The following FRMD8 variants were observed in gnomAD, a reference collection of about 807,000 sequenced individuals.
FRMD8 encodes FERM domain-containing protein 8.
FRMD8 carries 37 observed loss-of-function variants against 54.2 expected under a neutral mutation model. The observed-to-expected ratio is 0.68, with a 90% confidence interval of 0.53 to 0.90. The LOEUF (loss-of-function observed/expected upper bound fraction) is 0.90, where lower values mean the gene tolerates loss of function less well. Among genes scored for constraint, FRMD8 ranks in the 40% least tolerant of loss-of-function variants. FRMD8 has a pLI of 0.00. For missense variants in FRMD8, 585 were observed against 653.7 expected (o/e 0.89, Z 1.15); for synonymous variants, 246 against 286.9 (o/e 0.86, Z 1.44).
chr11:65,404,053 G>A lies in FRMD8; in HGVS notation c.1072-811G>A, dbSNP rs976039026. ...TGCTCTTCCTTCTGGGCCGAGCAGC[G>A]GTGCCCACCTGCCCAGCCCAGAGGG... On this transcript the variant is annotated intron_variant, in intron 9 of 10. Coordinates refer to ENST00000317568, the MANE Select transcript of FRMD8 (RefSeq NM_031904.5). The surrounding 1 kb of genome is among the most constrained non-coding windows in gnomAD (Gnocchi z 4.7). 2.0e-5 allele frequency among the ~76,000 whole-genome samples: 3 copies of A among 152,132 alleles called. No individual in the cohort carries two copies. The highest frequency in any genetic ancestry group is 2.4e-5 in the African/African-American group (1 of 41,426).
At chr11:65,368,170 G>A in the FRMD8 span, 1 of 149,440 alleles carries the variant, frequency 6.7e-6, no homozygotes, top group East Asian at 2.0e-4. Context: ...CCAGTTCCCA[G>A]GTTCAAGCGA....
chr11:65,409,775 AAAAG>A (rs1315814115), intron 10 of FRMD8, among the ~76,000 whole-genome samples: 1 of 152,080 alleles, frequency 6.6e-6, no homozygotes, highest in Non-Finnish European at 1.5e-5. Context: ...CAAAAAAAAA[AAAAG>A]AAAAAGAAAA....
Position 65,404,440 on chromosome 11 carries a change from G to A in FRMD8, c.1072-424G>A, listed in dbSNP as rs1001924929. On this transcript the variant is annotated intron_variant, in intron 9 of 10. Transcript: ENST00000317568. This position sits in a 1 kb window ranked among gnomAD's most constrained non-coding sequence, Gnocchi z 4.7. ...AGAACGTGCTGGCAGGGAGCCGCCC[G>A]CCCCTGCCCTGGTGACATCGCGCCC... Among the ~76,000 whole-genome samples the A allele has an allele frequency of 1.3e-5, 2 of 151,878 alleles. No homozygotes were observed. The highest frequency in any genetic ancestry group is 4.8e-5 in the African/African-American group (2 of 41,322).
chr11:65,395,135 C>T lies in FRMD8; in HGVS notation c.581+710C>T, dbSNP rs184867658. Among the ~76,000 whole-genome samples the T allele has an allele frequency of 2.5e-3, 373 of 151,938 alleles. 4 individuals are homozygous for T. The highest frequency in any genetic ancestry group is 8.6e-3 in the African/African-American group (356 of 41,438). On this transcript the variant is annotated intron_variant, in intron 6 of 10. Transcript: ENST00000317568. ...GGTGGCACACACCTGTAATCCCAGC[C>T]GTTTGGGAGGCTGAGGCAGGAGAAT...
rs755429880 is a variant in FRMD8 at position 65,411,406 on chromosome 11, G to C, written c.*46G>C. The C allele has an allele frequency of 9.8e-6, 13 of 1,323,588 alleles. No individual in the cohort carries two copies. The African/African-American group carries it at 1.3e-4, about 13-fold the overall frequency. 82.0% of individuals were successfully genotyped at this position (1,323,588 alleles called of 1,614,324 possible). A position where few individuals can be genotyped will look rare whatever the true frequency, so the allele number is the denominator to read the frequency against. On this transcript the variant is annotated 3_prime_UTR_variant, in exon 11 of 11. Coordinates refer to ENST00000317568, the MANE Select transcript of FRMD8 (RefSeq NM_031904.5). Reference sequence around the variant, plus strand: ...GGAGGGCGACTGGGGGCCCTGGCCCGGCACTGTCCTCCTGAGGGGCAGGCG... The same window carrying C: ...GGAGGGCGACTGGGGGCCCTGGCCCCGCACTGTCCTCCTGAGGGGCAGGCG...
At chr11:65,391,545 C>G (rs1163299960) in intron 3 of FRMD8, among the ~76,000 whole-genome samples, 1 of 152,012 alleles carries the variant, frequency 6.6e-6, no homozygotes, top group Non-Finnish European at 1.5e-5. Flanking sequence ...GAGTCTCACT[C>G]TGTTGCCCAG....
At chr11:65,376,987 C>G in the FRMD8 span, 1 of 1,613,422 alleles carries the variant, frequency 6.2e-7, no homozygotes, top group Non-Finnish European at 8.5e-7. Flanking sequence ...GCCCCTGGTA[C>G]CGGGGTGGGG....
chr11:65,407,039 G>A lies in FRMD8; in HGVS notation c.1276+1971G>A, dbSNP rs185432929. On this transcript the variant is annotated intron_variant, in intron 10 of 10. Transcript: ENST00000317568. ...GGACATTTGTGGAAAAACTATTGAA[G>A]TCCAAAAGAATTTTAGTTAACAGAT... Among the ~76,000 whole-genome samples the A allele has an allele frequency of 8.5e-5, 13 of 152,218 alleles. No individual in the cohort carries two copies. The East Asian group carries it at 1.9e-3, about 23-fold the overall frequency.
At chr11:65,381,889 T>C, upstream of FRMD8, 1 of 1,614,038 alleles carries the variant, frequency 6.2e-7, no homozygotes, top group Non-Finnish European at 8.5e-7. Flanking sequence ...GGGTGTGATG[T>C]GACAGAAGGA....
chr11:65,396,708 C>A, intron 6 of FRMD8, 91 bp from the exon 7 acceptor site: 1 of 788,514 alleles, frequency 1.3e-6, no homozygotes, highest in Non-Finnish European at 1.9e-6. Flanking sequence ...TGTGTGTCTG[C>A]TTCCTCCAGG....
intron 9 of FRMD8, among the ~76,000 whole-genome samples, chr11:65,402,262 G>A (rs918847161): frequency 6.6e-6 from 1 of 151,854 alleles, no homozygotes; most frequent in Non-Finnish European, 1.5e-5. Flanking sequence ...ACTGAGGCAC[G>A]AGAATCACTT....
At chr11:65,376,757 C>T in the FRMD8 span, 6 of 1,613,966 alleles carry the variant, frequency 3.7e-6, no homozygotes, top group East Asian at 2.2e-5. Context: ...CCCCAGTCCC[C>T]GCTGGACCCT....
Position 65,411,588 on chromosome 11 carries a change from T to G in FRMD8, c.*228T>G. The G allele has an allele frequency of 2.4e-6, 1 of 421,244 alleles. No individual in the cohort carries two copies. Among genetic ancestry groups the G allele is most frequent in the Admixed American group, 4.3e-5 (1 of 23,430 alleles). The allele number at this position is 421,244 out of a possible 1,614,324, so 26.1% of individuals were successfully genotyped here. On this transcript the variant is annotated 3_prime_UTR_variant, in exon 11 of 11. Coordinates refer to ENST00000317568, the MANE Select transcript of FRMD8 (RefSeq NM_031904.5). ...GGCTCCTCTGCAGCCTGCCCTCCCT[T>G]CCCCCGGATGCTGGGCCCTGCTGCT...
At chr11:65,370,147 A>C in the FRMD8 span, among the ~76,000 whole-genome samples, 1 of 151,254 alleles carries the variant, frequency 6.6e-6, no homozygotes, top group East Asian at 2.0e-4. Context: ...CTTGAGCCTG[A>C]GAGGTTGGGG....
At chr11:65,410,084 G>T (rs917443713) in intron 10 of FRMD8, among the ~76,000 whole-genome samples, 1 of 151,280 alleles carries the variant, frequency 6.6e-6, no homozygotes, top group Admixed American at 6.6e-5. Flanking sequence ...AAACCACAAA[G>T]GCGGGACATG....
the FRMD8 span, among the ~76,000 whole-genome samples, chr11:65,370,648 C>T: frequency 3.3e-5 from 5 of 150,916 alleles, no homozygotes; most frequent in South Asian, 2.1e-4. Flanking sequence ...CGCAGTGACC[C>T]GAGATCTTGC....
chr11:65,386,866 C>G (rs1855742594), intron 1 of FRMD8, 105 bp downstream of exon 1: 1 of 639,384 alleles, frequency 1.6e-6, no homozygotes, highest in Admixed American at 2.8e-5. Context: ...CCGTAGCAAC[C>G]CGCACCCCTC....
At chr11:65,376,677 T>A in the FRMD8 span, 7 of 1,613,802 alleles carry the variant, frequency 4.3e-6, no homozygotes, top group South Asian at 7.7e-5. Context: ...TGGCTGAGCC[T>A]GGGGCAGAGA....
upstream of FRMD8, among the ~76,000 whole-genome samples, chr11:65,386,415 G>A (rs893231795): frequency 6.6e-6 from 1 of 152,212 alleles, no homozygotes; most frequent in Non-Finnish European, 1.5e-5. Flanking sequence ...CCTCTTACAG[G>A]CCAACAGTCG....
Sources: allele counts gnomAD v4.1 joint callset (sites outside exome capture counted in the v4.1 genomes callset), GRCh38; gene constraint gnomAD v4.1.1; non-coding constraint Gnocchi (gnomAD v3.1); transcripts MANE v1.5; gene names NCBI Gene and HGNC (gene_info 2026-07-23, HGNC 2026-07-21).